GPR173: variants seen among roughly 807,000 people sequenced by gnomAD.
GPR173 encodes the protein probable G protein-coupled receptor 173.
Under a neutral mutation model 13.9 loss-of-function variants are expected in GPR173, and 2 were observed. The ratio of observed to expected loss-of-function variants is 0.14; its 90% CI spans 0.06 to 0.45. The LOEUF (loss-of-function observed/expected upper bound fraction) is 0.45. Among genes scored for constraint, GPR173 ranks in the 20% least tolerant of loss-of-function variants. GPR173 has a pLI of 0.98. For synonymous variants in GPR173, 131 were observed against 141.0 expected (o/e 0.93, Z 0.50); for missense variants, 202 against 340.5 (o/e 0.59, Z 3.20).
chrX:53,070,642 G>A (rs1932244889), intron 1 of GPR173, among the ~76,000 whole-genome samples: 2 of 109,357 alleles, frequency 1.8e-5, no homozygotes, highest in African/African-American at 3.3e-5. Context: ...GTGCCACCAC[G>A]CCCAGCTAAT....
chrX:53,066,380 G>A (rs781884524), intron 1 of GPR173, among the ~76,000 whole-genome samples: 1 of 111,648 alleles, frequency 9.0e-6, no homozygotes, highest in African/African-American at 3.2e-5. Context: ...CATTTTTTAT[G>A]TAACTTTATT....
chrX:53,049,935 GGTGTGTGTGTGTGTGTGTGTGTGT>G (rs782209160), intron 1 of GPR173, among the ~76,000 whole-genome samples: 1 of 93,011 alleles, frequency 1.1e-5, no homozygotes, highest in Admixed American at 1.2e-4. Flanking sequence ...CTGCTGGCCG[GGTGTGTGTGTGTGTGTGTGTGTGT>G]GTGTGTGTGT....
intron 1 of GPR173, among the ~76,000 whole-genome samples, chrX:53,068,515 C>A (rs1932215444): frequency 9.1e-6 from 1 of 109,729 alleles, no homozygotes; most frequent in Admixed American, 9.9e-5. Flanking sequence ...ATAGTTCATG[C>A]CTGTAATCCC....
In GPR173 at chrX:53,060,039, CACACAT is replaced by C. The variant is rs1932101601; in HGVS notation, c.-98+10561_-98+10566del. Among the ~76,000 whole-genome samples the C allele has an allele frequency of 6.5e-5, 7 of 106,939 alleles. No individual in the cohort carries two copies. In the South Asian group the frequency reaches 2.8e-3, roughly 43 times the overall value. The allele number at this position is 106,939 out of a possible 115,157, so 92.9% of individuals were successfully genotyped here. ...TTATATATATATATATATACACACA[CACACAT>C]ACACACACGCACACACACATATATA... On this transcript the variant is annotated intron_variant, in intron 1 of 1. Coordinates refer to ENST00000332582, the MANE Select transcript of GPR173 (RefSeq NM_018969.6).
At position 53,079,646 on chromosome X, in the gene GPR173, A is replaced by C. The variant is rs782765293; in HGVS notation, c.*1903A>C. 8.3e-6 allele frequency: 1 copy of C among 120,848 alleles called. No individual in the cohort carries two copies. The highest frequency in any genetic ancestry group is 2.9e-4 in the East Asian group (1 of 3,485). 10.0% of individuals were successfully genotyped at this position (120,848 alleles called of 1,213,427 possible). Reference sequence around the variant, plus strand: ...GTGCCCTGTCTGACCACATGTGGAGAGACATGATTGAGTGATAGTGTGTGT... The same window carrying C: ...GTGCCCTGTCTGACCACATGTGGAGCGACATGATTGAGTGATAGTGTGTGT... On this transcript the variant is annotated 3_prime_UTR_variant, in exon 2 of 2. Transcript: ENST00000332582.
chrX:53,073,200 G>C (rs1160240901), intron 1 of GPR173, among the ~76,000 whole-genome samples: 1 of 106,101 alleles, frequency 9.4e-6, no homozygotes, highest in Non-Finnish European at 1.9e-5. Context: ...ACTCCAGCCT[G>C]GGCAACAGAG....
intron 1 of GPR173, among the ~76,000 whole-genome samples, chrX:53,073,150 G>C (rs1277985143): frequency 9.2e-6 from 1 of 108,159 alleles, no homozygotes; most frequent in African/African-American, 3.4e-5. Context: ...ACTTGAATCC[G>C]GTAGCCGGAG....
At position 53,078,012 on chromosome X, in the gene GPR173, CTCT is replaced by C; in HGVS notation, c.*270_*272del. ...CTACAATCTCATTCTCTCTCTCTCTCTCTCTGTCTCTCTCTCTCTCTCTCTCTC... is the reference window on the plus strand; with the variant it reads ...CTACAATCTCATTCTCTCTCTCTCTCCTGTCTCTCTCTCTCTCTCTCTCTC... On this transcript the variant is annotated 3_prime_UTR_variant, in exon 2 of 2. Transcript: ENST00000332582. 3.0e-6 allele frequency: 1 copy of C among 331,721 alleles called. No individual in the cohort carries two copies. The highest frequency in any genetic ancestry group is 5.4e-5 in the Admixed American group (1 of 18,454). 27.3% of individuals were successfully genotyped at this position (331,721 alleles called of 1,213,427 possible).
intron 1 of GPR173, chrX:53,071,259 G>A (rs974084563): frequency 2.7e-5 from 3 of 112,778 alleles, no homozygotes; most frequent in African/African-American, 6.4e-5. Context: ...ACAGGCGTGA[G>A]CCACTGTGCC....
In GPR173 at chrX:53,074,086, ATTTATATATAAATATATAAATATACATT is replaced by A. The variant is rs1932344882; in HGVS notation, c.-97-2437_-97-2410del. 7.7e-5 allele frequency among the ~76,000 whole-genome samples: 3 copies of A among 39,002 alleles called. 1 individual carries two copies. The highest frequency in any genetic ancestry group is 8.0e-5 in the Non-Finnish European group (2 of 25,080). 33.9% of individuals were successfully genotyped at this position (39,002 alleles called of 115,157 possible). ...AATATATAAATATACATGTATATTT[ATTTATATATAAATATATAAATATACATT>A]TATATAAATATATATAAATATACAT... On this transcript the variant is annotated intron_variant, in intron 1 of 1. Coordinates refer to ENST00000332582, the MANE Select transcript of GPR173 (RefSeq NM_018969.6).
intron 1 of GPR173, among the ~76,000 whole-genome samples, chrX:53,073,466 C>G (rs376059179): frequency 4.3e-4 from 48 of 110,442 alleles, no homozygotes; most frequent in African/African-American, 1.4e-3. Context: ...CCCCACACTC[C>G]CGGAGCTCTC....
At chrX:53,053,550 T>C (rs1373540058) in intron 1 of GPR173, among the ~76,000 whole-genome samples, 1 of 113,459 alleles carries the variant, frequency 8.8e-6, no homozygotes, top group Non-Finnish European at 1.9e-5. Flanking sequence ...AGTGTGAGTG[T>C]GTCCATGTGT....
rs1031807624 is a variant in GPR173, at chrX:53,073,242, G to A, written c.-97-3283G>A. 2.5e-3 allele frequency among the ~76,000 whole-genome samples: 265 copies of A among 107,463 alleles called. 1 individual carries two copies. The highest frequency in any genetic ancestry group is 4.7e-3 in the Middle Eastern group (1 of 212). The allele number at this position is 107,463 out of a possible 115,157, so 93.3% of individuals were successfully genotyped here. A position where few individuals can be genotyped will look rare whatever the true frequency, so the allele number is the denominator to read the frequency against. ...TGTCTAAAAAAAAAAAAAAAAGGCC[G>A]GGCACCAGGTGGCTGTGGCAGGCCA... On this transcript the variant is annotated intron_variant, in intron 1 of 1. Transcript: ENST00000332582.
chrX:53,075,873 G>C (rs907944172), intron 1 of GPR173, among the ~76,000 whole-genome samples: 4 of 111,849 alleles, frequency 3.6e-5, no homozygotes, highest in African/African-American at 9.8e-5. Context: ...TTGCATACAG[G>C]TTCAGTACTG....
chrX:53,054,021 CATTGTATG>C (rs1318241736), intron 1 of GPR173, among the ~76,000 whole-genome samples: 37 of 112,329 alleles, frequency 3.3e-4, no homozygotes, highest in African/African-American at 1.2e-3. Flanking sequence ...AGTAGAGTGG[CATTGTATG>C]ATATCTAGGG....
In GPR173 at chrX:53,070,305, G is replaced by A. The variant is rs181719951; in HGVS notation, c.-97-6220G>A. ...TCTCGTTCATCCATGTGTGTGTTAG[G>A]GGAGTTACAAAGGTGGTTTTGTGGA... On this transcript the variant is annotated intron_variant, in intron 1 of 1. Coordinates refer to ENST00000332582, the MANE Select transcript of GPR173 (RefSeq NM_018969.6). Among the ~76,000 whole-genome samples the A allele has an allele frequency of 7.2e-3, 798 of 110,703 alleles. 1 individual carries two copies. Among genetic ancestry groups the A allele is most frequent in the Non-Finnish European group, 0.012 (659 of 52,905 alleles).
In GPR173 at chrX:53,050,565, C is replaced by T. The variant is rs1001482393; in HGVS notation, c.-98+1081C>T. Among the ~76,000 whole-genome samples the T allele has an allele frequency of 8.0e-5, 9 of 112,515 alleles. No homozygotes were observed. In the South Asian group the frequency reaches 2.6e-3, roughly 32 times the overall value. ...CCATCTGTCAAAGAGACTGGTAACCCTTCCCTGATGGGTGTGTGTAGGGAT... is the reference window on the plus strand; with the variant it reads ...CCATCTGTCAAAGAGACTGGTAACCTTTCCCTGATGGGTGTGTGTAGGGAT... On this transcript the variant is annotated intron_variant, in intron 1 of 1. Transcript: ENST00000332582.
At chrX:53,057,225 T>C (rs1473936108) in intron 1 of GPR173, among the ~76,000 whole-genome samples, 1 of 110,560 alleles carries the variant, frequency 9.0e-6, no homozygotes, top group African/African-American at 3.3e-5. Context: ...GAGACCAGCC[T>C]GACCAATGTG....
chrX:53,065,957 G>T (rs782150934), intron 1 of GPR173, among the ~76,000 whole-genome samples: 130 of 109,980 alleles, frequency 1.2e-3, no homozygotes, highest in African/African-American at 4.1e-3. Context: ...AAAATTAGCC[G>T]GGCATGGTGG....
Sources: gnomAD v4.1 joint callset for allele counts (sites outside exome capture counted in the v4.1 genomes callset) on GRCh38, gnomAD v4.1.1 for gene constraint, MANE v1.5 for transcripts, NCBI Gene and HGNC (gene_info 2026-07-23, HGNC 2026-07-21) for gene names.